The following DIAPH3 variants were observed in gnomAD, a reference collection of about 807,000 sequenced individuals.
DIAPH3 encodes diaphanous related formin 3, also known as protein diaphanous homolog 3.
DIAPH3 carries 117 observed loss-of-function variants against 144.3 expected under a neutral mutation model. The ratio of observed to expected loss-of-function variants is 0.81; its 90% CI spans 0.70 to 0.95. The LOEUF (loss-of-function observed/expected upper bound fraction) is 0.95, where lower values mean the gene tolerates loss of function less well. Among genes scored for constraint, DIAPH3 ranks in the 40% least tolerant of loss-of-function variants. DIAPH3 has a pLI of 0.00. For missense variants in DIAPH3, 1,421 were observed against 1,412.7 expected, an observed-to-expected ratio of 1.01 and a Z score of -0.09; for synonymous variants, 519 against 488.9, an observed-to-expected ratio of 1.06 and a Z score of -0.81.
chr13:60,019,621 AAAC>A (rs2053876627), intron 5 of DIAPH3, among the ~76,000 whole-genome samples: 1 of 151,956 alleles, frequency 6.6e-6, no homozygotes, highest in Admixed American at 6.6e-5. Context: ...AAAAAAAAAA[AAAC>A]AGAGGGAGAG....
chr13:59,910,774 T>C (rs1207534620), intron 20 of DIAPH3, among the ~76,000 whole-genome samples: 10 of 149,178 alleles, frequency 6.7e-5, no homozygotes, highest in African/African-American at 2.4e-4. Context: ...ATAAGAATTA[T>C]AAGACTGTGA....
chr13:59,717,044 C>G (rs1403599441), intron 27 of DIAPH3, among the ~76,000 whole-genome samples: 1 of 151,714 alleles, frequency 6.6e-6, no homozygotes, highest in African/African-American at 2.4e-5. Context: ...AAACAAAGAA[C>G]AGTATAGTGT....
At chr13:59,877,865 C>T (rs1373226184) in intron 21 of DIAPH3, among the ~76,000 whole-genome samples, 6 of 152,020 alleles carry the variant, frequency 3.9e-5, no homozygotes, top group Admixed American at 3.9e-4. Flanking sequence ...CTGCTGACTC[C>T]TGCTTAGAAC....
chr13:60,010,799 C>T, intron 7 of DIAPH3, 130 bp from the exon 8 acceptor site: 1 of 877,156 alleles, frequency 1.1e-6, no homozygotes. Flanking sequence ...AAAATATAGA[C>T]TGTGTAACAC....
rs559991017 is a variant in DIAPH3, at chr13:60,052,959, T to TAAAAA, written c.496-10144_496-10140dup. Among the ~76,000 whole-genome samples, 77 of 40,628 alleles carry TAAAAA rather than the reference T, an allele frequency of 1.9e-3. 4 individuals carry two copies. Among genetic ancestry groups the TAAAAA allele is most frequent in the African/African-American group, 8.3e-3 (57 of 6,884 alleles). 26.7% of individuals were successfully genotyped at this position (40,628 alleles called of 152,430 possible). A position where few individuals can be genotyped will look rare whatever the true frequency, so the allele number is the denominator to read the frequency against. On this transcript the variant is annotated intron_variant, in intron 4 of 27. Coordinates refer to ENST00000400324, the MANE Select transcript of DIAPH3 (RefSeq NM_001042517.2). ...CTGGTGACAGAGCCAGACTCCCTCT[T>TAAAAA]AAAAAAAAAAAAAAAAAAAAAGAAA...
intron 9 of DIAPH3, among the ~76,000 whole-genome samples, chr13:59,997,958 C>A (rs2052306935): frequency 6.6e-6 from 1 of 152,104 alleles, no homozygotes; most frequent in Non-Finnish European, 1.5e-5. Flanking sequence ...AGCTTATTAT[C>A]TGGGCCTGGA....
rs1473651313 is a variant in DIAPH3 at position 59,665,674 on chromosome 13, C to T, written c.*910G>A. The T allele has an allele frequency of 6.6e-6, 1 of 152,460 alleles. No homozygotes were observed. The highest frequency in any genetic ancestry group is 1.5e-5 in the Non-Finnish European group (1 of 68,020). The allele number at this position is 152,460 out of a possible 1,614,324, so 9.4% of individuals were successfully genotyped here. A position where few individuals can be genotyped will look rare whatever the true frequency, so the allele number is the denominator to read the frequency against. ...CCCAAATGAGGTAATATTACATTTG[C>T]TTAGGAAAACTTTCCTTGAAACACT... is the stretch of plus-strand genomic sequence containing the variant. On this transcript the variant is annotated 3_prime_UTR_variant, in exon 28 of 28. Transcript: ENST00000400324.
chr13:59,947,093 T>C (rs921601780), intron 17 of DIAPH3, among the ~76,000 whole-genome samples: 2 of 152,182 alleles, frequency 1.3e-5, no homozygotes, highest in Non-Finnish European at 2.9e-5. Context: ...CACTTAACCT[T>C]CATCAACCAA....
intron 4 of DIAPH3, among the ~76,000 whole-genome samples, chr13:60,090,198 C>T (rs557010450): frequency 1.0e-3 from 158 of 152,292 alleles, no homozygotes; most frequent in African/African-American, 3.7e-3. Context: ...GGATCACGTT[C>T]CCATGCCCTG....
At chr13:59,918,440 C>T (rs138022795) in intron 18 of DIAPH3, among the ~76,000 whole-genome samples, 336 of 152,208 alleles carry the variant, frequency 2.2e-3, no homozygotes, top group African/African-American at 7.5e-3. Flanking sequence ...ATATCACTGA[C>T]GGATGACTGC....
At position 59,791,543 on chromosome 13, in the gene DIAPH3, T is replaced by C. The variant is rs147394993; in HGVS notation, c.3164-16720A>G. On this transcript the variant is annotated intron_variant, in intron 25 of 27. Coordinates refer to ENST00000400324, the MANE Select transcript of DIAPH3 (RefSeq NM_001042517.2). The stretch of plus-strand genomic sequence containing the variant: ...CCATAGGGTGGTAGCAGAGGGGAGA[T>C]TTGATATCTTTCTGATTCTAAAGCT... Among the ~76,000 whole-genome samples, 90 of 152,222 alleles carry C rather than the reference T, an allele frequency of 5.9e-4. 1 individual carries two copies. The East Asian group carries it at 0.016, about 27-fold the overall frequency.
Position 59,810,780 on chromosome 13 carries a change from G to C in DIAPH3, c.3163+8C>G, listed in dbSNP as rs771669567. The C allele has an allele frequency of 6.2e-7, 1 of 1,612,584 alleles. No homozygotes were observed. The highest frequency in any genetic ancestry group is 8.5e-7 in the Non-Finnish European group (1 of 1,179,576). ...CATAGAATAAATAACAAATTTGATA[G>C]TACTCACCAGTCTTCATTTCTAATA... On this transcript the variant is annotated splice_region_variant and intron_variant, in intron 25 of 27. Transcript: ENST00000400324.
At chr13:60,041,081 TGGGATTA>T (rs2055630611) in intron 5 of DIAPH3, among the ~76,000 whole-genome samples, 1 of 151,070 alleles carries the variant, frequency 6.6e-6, no homozygotes, top group African/African-American at 2.4e-5. Flanking sequence ...CCCAAAGTGC[TGGGATTA>T]CAGGCTTGAG....
At chr13:60,032,814 T>G (rs571613632) in intron 5 of DIAPH3, among the ~76,000 whole-genome samples, 2 of 152,266 alleles carry the variant, frequency 1.3e-5, no homozygotes, top group South Asian at 4.1e-4. Flanking sequence ...ACAGCCTTCT[T>G]GAGTTCCTCT....
chr13:59,897,567 G>GT (rs2046182778), intron 20 of DIAPH3, among the ~76,000 whole-genome samples: 1 of 150,110 alleles, frequency 6.7e-6, no homozygotes, highest in Admixed American at 6.6e-5. Context: ...GGCTAACATG[G>GT]TAAAACCCCG....
At chr13:60,052,378 A>G (rs1227280494) in intron 4 of DIAPH3, among the ~76,000 whole-genome samples, 2 of 152,188 alleles carry the variant, frequency 1.3e-5, no homozygotes, top group Non-Finnish European at 2.9e-5. Flanking sequence ...TGAAAAAACA[A>G]AGTTCACTAG....
At chr13:59,952,745 T>C (rs1014728339) in intron 17 of DIAPH3, among the ~76,000 whole-genome samples, 3 of 152,190 alleles carry the variant, frequency 2.0e-5, no homozygotes, top group Non-Finnish European at 4.4e-5. Flanking sequence ...TAAATATTTC[T>C]ACTCCCCTTC....
chr13:59,722,333 A>AATGG (rs1294587167), intron 27 of DIAPH3, among the ~76,000 whole-genome samples: 3 of 152,176 alleles, frequency 2.0e-5, no homozygotes, highest in African/African-American at 7.2e-5. Flanking sequence ...GTGAACAGGT[A>AATGG]ATGTATCCTG....
chr13:60,111,574 A>G lies in DIAPH3; in HGVS notation c.390+436T>C, dbSNP rs533417391. Among the ~76,000 whole-genome samples the G allele has an allele frequency of 6.6e-5, 10 of 152,328 alleles. No individual in the cohort carries two copies. In the South Asian group the frequency reaches 2.1e-3, roughly 32 times the overall value. On this transcript the variant is annotated intron_variant, in intron 3 of 27. Transcript: ENST00000400324. ...ACATTCTCAAAGGAGCACAAACTCC[A>G]TGGTGAACTGTGCACGCTTCTTATG...
Sources: gnomAD v4.1 joint callset for allele counts (sites outside exome capture counted in the v4.1 genomes callset) on GRCh38, gnomAD v4.1.1 for gene constraint, MANE v1.5 for transcripts, NCBI Gene and HGNC (gene_info 2026-07-23, HGNC 2026-07-21) for gene names.